Variants in LUC7L2 observed in about 807,000 individuals in gnomAD.
The protein encoded by LUC7L2 is LUC7 like 2, pre-mRNA splicing factor.
Under a neutral mutation model 52.8 loss-of-function variants are expected in LUC7L2, and 25 were observed. That is an observed-to-expected ratio of 0.47 (90% CI 0.34 to 0.66). LUC7L2 has a LOEUF of 0.66. LUC7L2 is among the 30% of genes least tolerant of loss of function. The pLI is 0.01. For missense variants in LUC7L2, 328 were observed against 497.8 expected, an observed-to-expected ratio of 0.66 and a Z score of 3.25; for synonymous variants, 144 against 160.9, an observed-to-expected ratio of 0.89 and a Z score of 0.80.
chr7:139,393,211 G>A (rs1223176083), intron 2 of LUC7L2, among the ~76,000 whole-genome samples: 1 of 151,986 alleles, frequency 6.6e-6, no homozygotes, highest in Admixed American at 6.6e-5. Context: ...AGGTTGCAGT[G>A]AGCTGAGATT....
chr7:139,350,573 A>C (rs1009917441), intron 1 of LUC7L2, among the ~76,000 whole-genome samples: 5 of 152,002 alleles, frequency 3.3e-5, no homozygotes, highest in Admixed American at 3.3e-4. Flanking sequence ...TCAGGACACC[A>C]AACCCAGTGG....
At chr7:139,381,339 A>T (rs73154156) in intron 2 of LUC7L2, among the ~76,000 whole-genome samples, 1,859 of 150,580 alleles carry the variant, frequency 0.012, 15 homozygotes, top group Middle Eastern at 0.02. Flanking sequence ...TTCTATTTCA[A>T]CTCAAATTTT....
chr7:139,400,915 A>G (rs1794883785), intron 3 of LUC7L2, among the ~76,000 whole-genome samples: 1 of 152,248 alleles, frequency 6.6e-6, no homozygotes, highest in Non-Finnish European at 1.5e-5. Flanking sequence ...CATTGAAGAA[A>G]TTCTTGGGTT....
intron 2 of LUC7L2, among the ~76,000 whole-genome samples, chr7:139,377,198 T>C (rs1335344828): frequency 6.6e-6 from 1 of 151,688 alleles, no homozygotes; most frequent in Non-Finnish European, 1.5e-5. Flanking sequence ...CTCTAAACTC[T>C]TTATTTATTT....
Position 139,409,581 on chromosome 7 carries a change from C to A in LUC7L2, c.706C>A (p.Gln236Lys). ...EELKRVVAEKQEKRNQERLKR... is the reference protein window; with the variant it reads ...EELKRVVAEKKEKRNQERLKR... ...TTTTAAGAGAGTCGTAGCTGAGAAG[C>A]AGGAGAAAAGAAACCAGGAACGGCT... Residue 236 changes from glutamine (Q) to lysine (K), a missense_variant, in exon 7 of 10, where the codon CAG becomes AAG. Transcript: ENST00000354926. 1.2e-6 allele frequency: 2 copies of A among 1,609,578 alleles called. No homozygotes were observed. The highest frequency in any genetic ancestry group is 1.7e-6 in the Non-Finnish European group (2 of 1,177,806).
At chr7:139,374,515 C>T (rs1800610625) in intron 1 of LUC7L2, 2 of 1,548,778 alleles carry the variant, frequency 1.3e-6, no homozygotes, top group Non-Finnish European at 1.7e-6. Flanking sequence ...GAATGTGGAA[C>T]AAAAGCAGTT....
chr7:139,399,942 A>G (rs1360493688), intron 3 of LUC7L2, among the ~76,000 whole-genome samples: 1 of 152,182 alleles, frequency 6.6e-6, no homozygotes, highest in African/African-American at 2.4e-5. Flanking sequence ...CATAAAACAT[A>G]CTAATGTGCA....
intron 3 of LUC7L2, among the ~76,000 whole-genome samples, chr7:139,401,926 G>T (rs962717980): frequency 6.6e-6 from 1 of 151,804 alleles, no homozygotes; most frequent in Non-Finnish European, 1.5e-5. Flanking sequence ...GCTAAATTTG[G>T]ATTTTAAGTA....
chr7:139,380,093 T>C (rs927278720), intron 2 of LUC7L2, among the ~76,000 whole-genome samples: 2 of 150,582 alleles, frequency 1.3e-5, no homozygotes, highest in African/African-American at 2.4e-5. Flanking sequence ...GCAGGAGAAA[T>C]ACTTGAACCC....
intron 1 of LUC7L2, among the ~76,000 whole-genome samples, chr7:139,364,238 G>C (rs893255012): frequency 1.3e-5 from 2 of 151,996 alleles, no homozygotes; most frequent in African/African-American, 4.8e-5. Flanking sequence ...ACCATGCCCA[G>C]CCTAGATTAC....
intron 1 of LUC7L2, chr7:139,345,837 T>A (rs2131147339): frequency 2.1e-6 from 2 of 949,666 alleles, no homozygotes; most frequent in Non-Finnish European, 1.5e-6. Context: ...TTAGGGGAAT[T>A]AACTGGACAT....
At chr7:139,374,504 T>A in intron 1 of LUC7L2, 1 of 1,550,098 alleles carries the variant, frequency 6.5e-7, no homozygotes, top group South Asian at 1.2e-5. Flanking sequence ...GATGTGTTAA[T>A]GAATGTGGAA....
chr7:139,360,495 G>T (rs1030856801), intron 1 of LUC7L2, among the ~76,000 whole-genome samples, 173 bp downstream of exon 1: 1 of 152,226 alleles, frequency 6.6e-6, no homozygotes, highest in Non-Finnish European at 1.5e-5. Flanking sequence ...GGCGGGCAGG[G>T]GGGGCGGTGA....
intron 1 of LUC7L2, among the ~76,000 whole-genome samples, chr7:139,369,989 T>A (rs1800359324): frequency 6.6e-6 from 1 of 152,238 alleles, no homozygotes; most frequent in Non-Finnish European, 1.5e-5. Flanking sequence ...GAAGGCAGAC[T>A]GTCATAATTG....
At chr7:139,398,456 C>T in intron 2 of LUC7L2, 143 bp from the exon 3 acceptor site, 3 of 534,212 alleles carry the variant, frequency 5.6e-6, no homozygotes, top group Non-Finnish European at 9.1e-6. Context: ...TTATATTTGT[C>T]TATGAAATTT....
upstream of LUC7L2, among the ~76,000 whole-genome samples, chr7:139,356,384 T>C (rs942105836): frequency 1.3e-5 from 2 of 149,708 alleles, no homozygotes; most frequent in African/African-American, 4.9e-5. Flanking sequence ...AAATATCCAT[T>C]TAGAATTTAA....
At position 139,417,529 on chromosome 7, in the gene LUC7L2, G is replaced by T; in HGVS notation, c.810-9G>T. ...AAAGGTAGAAACAAAATCAAATCTT[G>T]TCTGGTAGATCCAGGTCCAGAGAGC... On this transcript the variant is annotated splice_polypyrimidine_tract_variant and intron_variant, in intron 8 of 9. Coordinates refer to ENST00000354926, the MANE Select transcript of LUC7L2 (RefSeq NM_016019.5). 1 of 1,605,362 alleles carries T rather than the reference G, an allele frequency of 6.2e-7. No individual in the cohort carries two copies. The highest frequency in any genetic ancestry group is 8.5e-7 in the Non-Finnish European group (1 of 1,172,860).
chr7:139,371,276 C>G (rs1247471362), intron 1 of LUC7L2: 7 of 628,712 alleles, frequency 1.1e-5, no homozygotes. Flanking sequence ...CCATGAATGC[C>G]TGATAATGTA....
At chr7:139,388,798 T>C (rs1275770652) in intron 2 of LUC7L2, among the ~76,000 whole-genome samples, 1 of 152,044 alleles carries the variant, frequency 6.6e-6, no homozygotes, top group Non-Finnish European at 1.5e-5. Context: ...TTTGAAATAC[T>C]TGAAACCCTG....
Sources: allele counts gnomAD v4.1 joint callset (sites outside exome capture counted in the v4.1 genomes callset), GRCh38; gene constraint gnomAD v4.1.1; transcripts MANE v1.5; gene names NCBI Gene and HGNC (gene_info 2026-07-23, HGNC 2026-07-21).